The following SLC24A2 variants were observed in gnomAD, a reference collection of about 807,000 sequenced individuals.
The protein encoded by SLC24A2 is solute carrier family 24 member 2, also known as sodium/potassium/calcium exchanger 2.
SLC24A2 carries 36 observed loss-of-function variants against 62.0 expected under a neutral mutation model. The ratio of observed to expected loss-of-function variants is 0.58; its 90% CI spans 0.44 to 0.77. The LOEUF is 0.77. Ranked by LOEUF, SLC24A2 falls within the 30% of genes least tolerant of loss-of-function variation. The pLI is 0.00. For missense variants in SLC24A2, 846 were observed against 817.9 expected, an observed-to-expected ratio of 1.03 and a Z score of -0.42; for synonymous variants, 358 against 294.0, an observed-to-expected ratio of 1.22 and a Z score of -2.23.
chr9:20,202,482 G>A, the SLC24A2 span, among the ~76,000 whole-genome samples: 543 of 152,314 alleles, frequency 3.6e-3, 6 homozygotes, highest in African/African-American at 0.012. Context: ...AGAATTCAGT[G>A]AGGCTGTTTG....
chr9:19,601,799 A>G (rs1836848373), intron 4 of SLC24A2, among the ~76,000 whole-genome samples: 1 of 152,206 alleles, frequency 6.6e-6, no homozygotes, highest in African/African-American at 2.4e-5. Context: ...TACCTAATGT[A>G]TTTGAGACTT....
At chr9:19,857,957 C>T in the SLC24A2 span, among the ~76,000 whole-genome samples, 1 of 152,018 alleles carries the variant, frequency 6.6e-6, no homozygotes, top group Non-Finnish European at 1.5e-5. Flanking sequence ...AATGCTATTC[C>T]TATCAAACTA....
At chr9:19,694,429 AT>A (rs1390661407) in intron 2 of SLC24A2, among the ~76,000 whole-genome samples, 2 of 152,096 alleles carry the variant, frequency 1.3e-5, no homozygotes, top group African/African-American at 2.4e-5. Flanking sequence ...AAAACAAAAT[AT>A]TTTTTTCTAA....
chr9:19,535,688 C>G (rs113722537), intron 8 of SLC24A2, among the ~76,000 whole-genome samples: 4 of 152,218 alleles, frequency 2.6e-5, no homozygotes, highest in African/African-American at 9.6e-5. Context: ...TTTCTGAGGC[C>G]TCTGTTCTGT....
the SLC24A2 span, among the ~76,000 whole-genome samples, chr9:20,175,835 T>G: frequency 6.6e-6 from 1 of 152,066 alleles, no homozygotes; most frequent in Non-Finnish European, 1.5e-5. Context: ...CCAAGATCTG[T>G]TATTAGATAA....
chr9:19,526,743 A>C (rs1833463607), intron 9 of SLC24A2, among the ~76,000 whole-genome samples: 1 of 152,202 alleles, frequency 6.6e-6, no homozygotes, highest in Non-Finnish European at 1.5e-5. Flanking sequence ...CTTGGATACA[A>C]GTGCTTTATC....
chr9:20,267,587 G>T, the SLC24A2 span, among the ~76,000 whole-genome samples: 22 of 152,274 alleles, frequency 1.4e-4, no homozygotes, highest in East Asian at 4.2e-3. Flanking sequence ...GGGAGGCATT[G>T]GATGCCTCAC....
At chr9:20,029,623 T>C in the SLC24A2 span, among the ~76,000 whole-genome samples, 2 of 152,192 alleles carry the variant, frequency 1.3e-5, no homozygotes, top group South Asian at 2.1e-4. Context: ...ACTTGTGAAA[T>C]GTCAGGCAGT....
chr9:19,619,727 G>A (rs1010000951), intron 3 of SLC24A2, 35 bp from the exon 4 acceptor site: 2 of 1,502,728 alleles, frequency 1.3e-6, no homozygotes, highest in Admixed American at 3.3e-5. Flanking sequence ...GTTAGTCTCA[G>A]GAATGAAAGA....
At chr9:19,621,701 T>C (rs1233243849) in intron 3 of SLC24A2, among the ~76,000 whole-genome samples, 1 of 152,194 alleles carries the variant, frequency 6.6e-6, no homozygotes, top group Non-Finnish European at 1.5e-5. Context: ...TAACTCGTCA[T>C]AACTATTATG....
At chr9:19,758,923 C>T (rs1822227923) in intron 2 of SLC24A2, among the ~76,000 whole-genome samples, 1 of 152,100 alleles carries the variant, frequency 6.6e-6, no homozygotes, top group African/African-American at 2.4e-5. Context: ...ATAGCTTACC[C>T]CATACCGCAA....
At chr9:19,904,493 C>T in the SLC24A2 span, among the ~76,000 whole-genome samples, 1 of 152,104 alleles carries the variant, frequency 6.6e-6, no homozygotes, top group African/African-American at 2.4e-5. Context: ...AAACTGGTCC[C>T]TAGAGATTAA....
chr9:20,031,365 AT>A, the SLC24A2 span, among the ~76,000 whole-genome samples: 3 of 146,240 alleles, frequency 2.1e-5, no homozygotes, highest in Admixed American at 6.8e-5. Context: ...ATATATATAT[AT>A]ATATATATAA....
chr9:20,062,819 A>C, the SLC24A2 span, among the ~76,000 whole-genome samples: 10 of 130,748 alleles, frequency 7.6e-5, no homozygotes, highest in East Asian at 2.7e-4. Context: ...ACCCCATCAA[A>C]AAGTGGGTGA....
At chr9:20,093,448 T>A in the SLC24A2 span, among the ~76,000 whole-genome samples, 1 of 152,180 alleles carries the variant, frequency 6.6e-6, no homozygotes, top group African/African-American at 2.4e-5. Context: ...GTCTGTCTCT[T>A]TAAAATAGTA....
the SLC24A2 span, among the ~76,000 whole-genome samples, chr9:20,270,236 C>T: frequency 6.6e-6 from 1 of 152,140 alleles, no homozygotes; most frequent in Non-Finnish European, 1.5e-5. Context: ...CCCAACACTG[C>T]CACACTGGGG....
In SLC24A2 at chr9:19,513,153, G is replaced by GAGAT. The variant is rs1434610409; in HGVS notation, c.*2999_*3000insATCT. 3.7e-5 allele frequency: 3 copies of GAGAT among 80,592 alleles called. No homozygotes were observed. The highest frequency in any genetic ancestry group is 1.4e-4 in the African/African-American group (3 of 21,202). 5.0% of individuals were successfully genotyped at this position (80,592 alleles called of 1,614,324 possible). On this transcript the variant is annotated 3_prime_UTR_variant, in exon 11 of 11. Transcript: ENST00000341998. ...TGTGTACATATAGATCTGGTATAAA[G>GAGAT]ATATATATATATATATATATATGTA...
the SLC24A2 span, among the ~76,000 whole-genome samples, chr9:19,993,909 G>A: frequency 6.6e-6 from 1 of 152,134 alleles, no homozygotes; most frequent in Non-Finnish European, 1.5e-5. Context: ...AGGAAGAGAA[G>A]GAGAAACACC....
chr9:19,907,022 A>C, the SLC24A2 span, among the ~76,000 whole-genome samples: 1 of 152,190 alleles, frequency 6.6e-6, no homozygotes, highest in Non-Finnish European at 1.5e-5. Flanking sequence ...AGACACAACC[A>C]AAAAAGAGAA....
Sources: gnomAD v4.1 joint callset for allele counts (sites outside exome capture counted in the v4.1 genomes callset) on GRCh38, gnomAD v4.1.1 for gene constraint, MANE v1.5 for transcripts, NCBI Gene and HGNC (gene_info 2026-07-23, HGNC 2026-07-21) for gene names.